Variants in PTBP2 observed in about 807,000 individuals in gnomAD.
The protein encoded by PTBP2 is polypyrimidine tract binding protein 2.
In PTBP2, 13 loss-of-function variants were observed where a neutral mutation model predicts 61.4. The observed-to-expected ratio is 0.21, with a 90% CI of 0.14 to 0.34. The LOEUF (loss-of-function observed/expected upper bound fraction) is 0.34, where lower values mean the gene tolerates loss of function less well. PTBP2 is among the 10% of genes least tolerant of loss of function. The pLI is 1.00. For missense variants in PTBP2, 405 were observed against 642.6 expected, an observed-to-expected ratio of 0.63 and a Z score of 4.00; for synonymous variants, 215 against 218.5, an observed-to-expected ratio of 0.98 and a Z score of 0.14.
chr1:96,764,928 A>G (rs543788656), intron 3 of PTBP2, among the ~76,000 whole-genome samples: 1 of 152,312 alleles, frequency 6.6e-6, no homozygotes, highest in African/African-American at 2.4e-5. Flanking sequence ...TTGGAAATAC[A>G]AGAGTTAATA....
intron 7 of PTBP2, among the ~76,000 whole-genome samples, chr1:96,778,628 T>TTATTAC (rs1658309104): frequency 6.6e-6 from 1 of 152,126 alleles, no homozygotes. Flanking sequence ...TATCTCATTA[T>TTATTAC]TATTACTATT....
chr1:96,733,020 T>C (rs1417098179), intron 2 of PTBP2, among the ~76,000 whole-genome samples: 2 of 131,136 alleles, frequency 1.5e-5, no homozygotes, highest in African/African-American at 2.5e-5. Context: ...TTTCTTTCTT[T>C]CTTTTTTTTT....
chr1:96,795,284 G>T (rs996106172), intron 8 of PTBP2, among the ~76,000 whole-genome samples: 1 of 152,146 alleles, frequency 6.6e-6, no homozygotes, highest in Non-Finnish European at 1.5e-5. Flanking sequence ...TCTAAGCTAG[G>T]AACGTAAAAT....
intron 2 of PTBP2, among the ~76,000 whole-genome samples, chr1:96,725,794 T>A (rs1165449539): frequency 6.6e-6 from 1 of 151,988 alleles, no homozygotes; most frequent in African/African-American, 2.4e-5. Flanking sequence ...TTTAAAAAAA[T>A]TCAGGCCGGG....
chr1:96,723,715 T>G, intron 2 of PTBP2, 121 bp downstream of exon 2: 1 of 835,210 alleles, frequency 1.2e-6, no homozygotes, highest in Non-Finnish European at 1.9e-6. Flanking sequence ...GTAAAATGTT[T>G]CCTTTCATTT....
intron 2 of PTBP2, among the ~76,000 whole-genome samples, chr1:96,740,089 A>T (rs72974586): frequency 3.9e-5 from 6 of 152,114 alleles, no homozygotes; most frequent in Non-Finnish European, 7.4e-5. Flanking sequence ...ATTTTGTAGC[A>T]TGTGACAAGA....
At chr1:96,781,498 T>C (rs1222277812) in intron 7 of PTBP2, among the ~76,000 whole-genome samples, 1 of 152,056 alleles carries the variant, frequency 6.6e-6, no homozygotes, top group Non-Finnish European at 1.5e-5. Context: ...GTATTTTCTC[T>C]GATGTCTCGA....
chr1:96,813,477 T>G lies in PTBP2; in HGVS notation c.*72T>G. On this transcript the variant is annotated 3_prime_UTR_variant, in exon 14 of 14. Transcript: ENST00000674951. Reference sequence around the variant, plus strand: ...TCACCTATTTGACTGTTCAGAAAAGTGGGGACCAGAGTTTGATTTTTTTTG... The same window carrying G: ...TCACCTATTTGACTGTTCAGAAAAGGGGGGACCAGAGTTTGATTTTTTTTG... The G allele has an allele frequency of 6.7e-6, 9 of 1,338,298 alleles. No homozygotes were observed. The highest frequency in any genetic ancestry group is 8.9e-6 in the Non-Finnish European group (9 of 1,012,720). The allele number at this position is 1,338,298 out of a possible 1,614,324, so 82.9% of individuals were successfully genotyped here.
Position 96,721,814 on chromosome 1 carries a change from C to T in PTBP2, c.-51C>T, listed in dbSNP as rs746695158. ...CCATTTTCTCGCCGCTTGTGTGGCTCGCTGGCTGCGTGGCTCGGTTCTTGT... is the reference window on the plus strand; with the variant it reads ...CCATTTTCTCGCCGCTTGTGTGGCTTGCTGGCTGCGTGGCTCGGTTCTTGT... On this transcript the variant is annotated 5_prime_UTR_variant, in exon 1 of 14. Transcript: ENST00000674951. 13 of 1,553,030 alleles carry T rather than the reference C, an allele frequency of 8.4e-6. No individual in the cohort carries two copies. Among genetic ancestry groups the T allele is most frequent in the East Asian group, 2.4e-5 (1 of 41,216 alleles).
chr1:96,806,292 A>G, intron 9 of PTBP2, 127 bp from the exon 10 acceptor site: 1 of 804,548 alleles, frequency 1.2e-6, no homozygotes, highest in Non-Finnish European at 2.2e-6. Context: ...GCCTTGAACC[A>G]TGATCCATGA....
At chr1:96,816,512 A>C (rs903919793), downstream of PTBP2, 1 of 152,162 alleles carries the variant, frequency 6.6e-6, no homozygotes, top group African/African-American at 2.4e-5. Context: ...TAAAGTACCT[A>C]CTTAAGGAAG....
chr1:96,736,059 A>G (rs1017204269), intron 2 of PTBP2, among the ~76,000 whole-genome samples: 3 of 152,228 alleles, frequency 2.0e-5, no homozygotes, highest in Non-Finnish European at 2.9e-5. Flanking sequence ...AATATTTTCA[A>G]TGTGTTGAGT....
At chr1:96,735,098 A>G (rs568238013) in intron 2 of PTBP2, among the ~76,000 whole-genome samples, 1 of 151,488 alleles carries the variant, frequency 6.6e-6, no homozygotes, top group Admixed American at 6.6e-5. Flanking sequence ...TTGTGTTTTT[A>G]GTAGGGATGG....
chr1:96,807,911 T>C (rs1446334560), intron 11 of PTBP2, among the ~76,000 whole-genome samples: 4 of 152,226 alleles, frequency 2.6e-5, no homozygotes, highest in African/African-American at 9.6e-5. Context: ...GTCAAGATAC[T>C]TAGTACATAT....
intron 8 of PTBP2, 96 bp from the exon 9 acceptor site, chr1:96,804,702 AAG>A: frequency 8.1e-7 from 1 of 1,237,858 alleles, no homozygotes; most frequent in Non-Finnish European, 1.1e-6. Context: ...GGTCAGCCGT[AAG>A]CCATGCAGCC....
intron 8 of PTBP2, among the ~76,000 whole-genome samples, chr1:96,791,529 G>T (rs1659790389): frequency 6.6e-6 from 1 of 152,102 alleles, no homozygotes; most frequent in Admixed American, 6.6e-5. Context: ...GCTACTTTTA[G>T]TTAATTATTG....
chr1:96,727,637 A>G (rs1254056216), intron 2 of PTBP2, among the ~76,000 whole-genome samples: 2 of 152,102 alleles, frequency 1.3e-5, no homozygotes, highest in East Asian at 3.9e-4. Context: ...GCATTCCTCT[A>G]ATATCTATGA....
At chr1:96,758,935 A>G (rs1319417642) in intron 3 of PTBP2, among the ~76,000 whole-genome samples, 1 of 152,200 alleles carries the variant, frequency 6.6e-6, no homozygotes, top group Admixed American at 6.5e-5. Flanking sequence ...TGGTAGAACT[A>G]ATAAGTGAAT....
intron 7 of PTBP2, among the ~76,000 whole-genome samples, chr1:96,779,714 T>C (rs1658438575): frequency 1.3e-5 from 2 of 152,216 alleles, no homozygotes; most frequent in East Asian, 3.9e-4. Context: ...ACACTTCACT[T>C]ATTACAGAAG....
Sources: allele counts gnomAD v4.1 joint callset (sites outside exome capture counted in the v4.1 genomes callset), GRCh38; gene constraint gnomAD v4.1.1; transcripts MANE v1.5; gene names NCBI Gene and HGNC (gene_info 2026-07-23, HGNC 2026-07-21).